The following CHUK variants were observed in gnomAD, a reference collection of about 807,000 sequenced individuals.
The protein encoded by CHUK is component of inhibitor of nuclear factor kappa B kinase complex.
CHUK carries 35 observed loss-of-function variants against 104.8 expected under a neutral mutation model. That is an observed-to-expected ratio of 0.33 (90% CI 0.26 to 0.44). The LOEUF is 0.44. CHUK is among the 20% of genes least tolerant of loss of function. CHUK has a pLI of 1.00. For missense variants in CHUK, 663 were observed against 902.7 expected (o/e 0.73, Z 3.40); for synonymous variants, 276 against 291.9 (o/e 0.95, Z 0.56).
Position 100,194,105 on chromosome 10 carries a change from A to G in CHUK, c.1853T>C (p.Ile618Thr). The change falls in exon 18 of 21, where the codon ATT (isoleucine) becomes ACT (threonine). Residue 618 changes from isoleucine (I) to threonine (T), a missense_variant. By Grantham distance (89) the Ile-to-Thr change is moderately conservative. Transcript: ENST00000370397. Reference sequence around the variant, plus strand: ...TTCCACCTTAGGGAGTAGATCAATAATCTTCTGCTTACAGCCCAACAACTT... The same window carrying G: ...TTCCACCTTAGGGAGTAGATCAATAGTCTTCTGCTTACAGCCCAACAACTT... ...LSKLLGCKQK[I>T]IDLLPKVEVA... 1 of 1,613,770 alleles carries G rather than the reference A, an allele frequency of 6.2e-7. No homozygotes were observed. The highest frequency in any genetic ancestry group is 8.5e-7 in the Non-Finnish European group (1 of 1,179,934).
At chr10:100,213,029 G>C (rs1280468910) in intron 9 of CHUK, among the ~76,000 whole-genome samples, 1 of 145,192 alleles carries the variant, frequency 6.9e-6, no homozygotes. Flanking sequence ...AGAAGAAAAA[G>C]AAAAAAAAAG....
intron 9 of CHUK, among the ~76,000 whole-genome samples, chr10:100,214,682 T>C (rs146827406): frequency 0.011 from 1,683 of 152,322 alleles, 20 homozygotes; most frequent in African/African-American, 0.038. Flanking sequence ...GGAGTGTAAG[T>C]TGATATGAAA....
At chr10:100,224,480 AG>A (rs1290076131) in intron 2 of CHUK, among the ~76,000 whole-genome samples, 2 of 152,224 alleles carry the variant, frequency 1.3e-5, no homozygotes, top group Non-Finnish European at 2.9e-5. Flanking sequence ...GGAGTCGCCC[AG>A]GCTGGAGTGC....
At position 100,200,003 on chromosome 10, in the gene CHUK, T is replaced by A; in HGVS notation, c.1697A>T (p.Asp566Val). 6.2e-7 allele frequency: 1 copy of A among 1,612,584 alleles called. No homozygotes were observed. Among genetic ancestry groups the A allele is most frequent in the Non-Finnish European group, 8.5e-7 (1 of 1,178,722 alleles). Residue 566 changes from aspartate (D) to valine (V), a missense_variant, in exon 16 of 21, where the codon GAT becomes GTT. Transcript: ENST00000370397. ...LMESLEQRAI[D>V]LYKQLKHRPS... ...TCTGTGTTTTAACTGCTTATATAGA[T>A]CAATGGCACGCTGTTCCCTATAAAA...
Position 100,219,280 on chromosome 10 carries a change from A to G in CHUK, c.554T>C (p.Leu185Pro). The stretch of plus-strand genomic sequence containing the variant: ...CAAAACAGGTCTCACCAGATACTGC[A>G]GTGTTCCCACAAAAGATGTACACAG... ...GSLCTSFVGT[L>P]QYLAPELFEN... The change falls in exon 6 of 21, where the codon CTG becomes CCG. Residue 185 changes from leucine to proline, a missense_variant. Around this residue, in one of 5 missense-constraint regions of CHUK, gnomAD observed 200 missense variants for 333.0 expected, o/e 0.60. Coordinates refer to ENST00000370397, the MANE Select transcript of CHUK (RefSeq NM_001278.5). The G allele has an allele frequency of 6.3e-7, 1 of 1,595,104 alleles. No homozygotes were observed. The highest frequency in any genetic ancestry group is 8.6e-7 in the Non-Finnish European group (1 of 1,162,638).
Position 100,189,452 on chromosome 10 carries a change from C to G in CHUK, c.*146G>C, listed in dbSNP as rs2134202131. ...GTTATACTTGTAAAATCATGTTCTT[C>G]TGATCATAGTAGAAATGTAGTTTCT... On this transcript the variant is annotated 3_prime_UTR_variant, in exon 21 of 21. Transcript: ENST00000370397. 2.8e-6 allele frequency: 2 copies of G among 705,664 alleles called. No individual in the cohort carries two copies. Among genetic ancestry groups the G allele is most frequent in the Non-Finnish European group, 5.2e-6 (2 of 384,510 alleles). 43.7% of individuals were successfully genotyped at this position (705,664 alleles called of 1,614,324 possible). A position where few individuals can be genotyped will look rare whatever the true frequency, so the allele number is the denominator to read the frequency against.
chr10:100,205,027 G>GTA (rs1272089887), intron 12 of CHUK, 49 bp downstream of exon 12: 1 of 1,607,496 alleles, frequency 6.2e-7, no homozygotes, highest in Admixed American at 1.7e-5. Flanking sequence ...TAATTCTTGA[G>GTA]TATATGATGC....
chr10:100,226,762 T>C (rs1334456745), intron 1 of CHUK, among the ~76,000 whole-genome samples: 1 of 152,206 alleles, frequency 6.6e-6, no homozygotes, highest in Non-Finnish European at 1.5e-5. Context: ...CCAACATATG[T>C]AATCTCTGAC....
intron 9 of CHUK, among the ~76,000 whole-genome samples, chr10:100,213,041 A>G (rs1315014625): frequency 1.3e-5 from 2 of 152,030 alleles, no homozygotes; most frequent in Non-Finnish European, 2.9e-5. Flanking sequence ...AAAAAAAAGA[A>G]AAAAGAAAGG....
At chr10:100,213,452 CTCT>C (rs1845780764) in intron 9 of CHUK, among the ~76,000 whole-genome samples, 1 of 150,440 alleles carries the variant, frequency 6.6e-6, no homozygotes, top group Non-Finnish European at 1.5e-5. Context: ...CACCATGGTA[CTCT>C]AGCCTGGGTG....
At chr10:100,227,522 T>C (rs1429397215) in intron 1 of CHUK, among the ~76,000 whole-genome samples, 2 of 149,728 alleles carry the variant, frequency 1.3e-5, no homozygotes, top group African/African-American at 4.9e-5. Context: ...ACAGGCAACA[T>C]GCCACTGGAA....
intron 2 of CHUK, among the ~76,000 whole-genome samples, chr10:100,224,086 ACTCT>A (rs3884083): frequency 4.9e-4 from 73 of 148,294 alleles, no homozygotes; most frequent in Admixed American, 7.4e-4. Context: ...TCGCTCGTTC[ACTCT>A]CTCTCTCTCT....
chr10:100,205,241 T>A, intron 11 of CHUK, 42 bp from the exon 12 acceptor site: 32 of 1,604,570 alleles, frequency 2.0e-5, no homozygotes, highest in Non-Finnish European at 2.7e-5. Context: ...GGAGGTTAGT[T>A]ACTTTTGAGG....
At chr10:100,212,835 T>C (rs1001323973) in intron 9 of CHUK, among the ~76,000 whole-genome samples, 5 of 151,516 alleles carry the variant, frequency 3.3e-5, no homozygotes, top group African/African-American at 1.2e-4. Flanking sequence ...TGAAACCTTG[T>C]CTCTACTAAA....
intron 2 of CHUK, among the ~76,000 whole-genome samples, chr10:100,223,317 A>G (rs1846032348): frequency 6.6e-6 from 1 of 152,220 alleles, no homozygotes. Context: ...CAAATTGGCT[A>G]AGTAACAAGA....
Position 100,222,904 on chromosome 10 carries a change from G to T in CHUK, c.277C>A (p.Leu93Ile), listed in dbSNP as rs1846023334. ...LNILIHDVPL[L>I]AMEYCSGGDL... The stretch of plus-strand genomic sequence containing the variant: ...CCTCCAGAACAGTATTCCATTGCTA[G>T]AAGAGGCACATCATGAATCAAAATA... The change falls in exon 3 of 21, where the codon CTA (leucine) becomes ATA (isoleucine). Residue 93 changes from leucine (L) to isoleucine (I), a missense_variant. Coordinates refer to ENST00000370397, the MANE Select transcript of CHUK (RefSeq NM_001278.5). 1 of 1,604,090 alleles carries T rather than the reference G, an allele frequency of 6.2e-7. No homozygotes were observed. The highest frequency in any genetic ancestry group is 8.5e-7 in the Non-Finnish European group (1 of 1,171,100).
chr10:100,220,725 A>G lies in CHUK; in HGVS notation c.386-49T>C, dbSNP rs564327741. 22 of 1,270,170 alleles carry G rather than the reference A, an allele frequency of 1.7e-5. No homozygotes were observed. In the East Asian group the frequency reaches 4.7e-4, roughly 27 times the overall value. 78.7% of individuals were successfully genotyped at this position (1,270,170 alleles called of 1,614,324 possible). ...TTAAAGTAACAGAAATCATTGAGTT[A>G]AAAGAAAAATTCACCTCACATTTTG... On this transcript the variant is annotated intron_variant, in intron 4 of 20. Transcript: ENST00000370397.
intron 6 of CHUK, 60 bp downstream of exon 6, chr10:100,219,210 T>A (rs1845930711): frequency 1.9e-6 from 3 of 1,559,552 alleles, no homozygotes; most frequent in Non-Finnish European, 2.7e-6. Flanking sequence ...ATATTCATGA[T>A]CTTCAGAAAT....
chr10:100,222,158 A>G lies in CHUK; in HGVS notation c.339T>C (p.Cys113=), dbSNP rs148215833. The change falls in exon 4 of 21, where the codon TGT becomes TGC. Residue 113 remains cysteine (C), a synonymous_variant. Coordinates refer to ENST00000370397, the MANE Select transcript of CHUK (RefSeq NM_001278.5). ...GTATCTGGCTTTCTTTAAGTCCACA[A>G]CAATTTTCTGGTTTGTTGAGCAGCT... ...LRKLLNKPEN[C]CGLKESQILS... 135 of 1,600,518 alleles carry G rather than the reference A, an allele frequency of 8.4e-5. No individual in the cohort carries two copies. In the African/African-American group the frequency reaches 1.5e-3, roughly 18 times the overall value.
Sources: gnomAD v4.1 joint callset for allele counts (sites outside exome capture counted in the v4.1 genomes callset) on GRCh38, gnomAD v4.1.1 for gene constraint, gnomAD v4.1.1 regional missense constraint, MANE v1.5 for transcripts, NCBI Gene and HGNC (gene_info 2026-07-23, HGNC 2026-07-21) for gene names.